The following CFAP96 variants were observed in gnomAD, a reference collection of about 807,000 sequenced individuals.
CFAP96 encodes the protein cilia and flagella associated protein 96.
chr4:185,410,689 G>A, the CFAP96 span, among the ~76,000 whole-genome samples: 2 of 151,442 alleles, frequency 1.3e-5, no homozygotes, highest in Admixed American at 6.6e-5. Context: ...GCTCACGCCT[G>A]TAATCCCAGC....
chr4:185,418,069 A>ACACACACACACACACACACACACACACAC, the CFAP96 span, among the ~76,000 whole-genome samples: 2 of 22,782 alleles, frequency 8.8e-5, no homozygotes, highest in African/African-American at 3.8e-4. Context: ...CACACACACA[A>ACACACACACACACACACACACACACACAC]ACAACAGAAC....
At chr4:185,431,120 G>C in the CFAP96 span, among the ~76,000 whole-genome samples, 2 of 149,962 alleles carry the variant, frequency 1.3e-5, no homozygotes, top group Non-Finnish European at 2.9e-5. Flanking sequence ...TGAGGCAGGA[G>C]AATCGCTTGA....
the CFAP96 span, chr4:185,408,528 G>T: frequency 1.6e-5 from 20 of 1,268,792 alleles, no homozygotes; most frequent in Non-Finnish European, 2.2e-5. Context: ...TGTTCTTAGA[G>T]TTAGACTGTT....
the CFAP96 span, chr4:185,415,719 G>T: frequency 6.2e-7 from 1 of 1,608,178 alleles, no homozygotes. Context: ...CTTTCCCCAT[G>T]TTTCTTCTGG....
the CFAP96 span, among the ~76,000 whole-genome samples, chr4:185,418,097 A>G: frequency 7.7e-6 from 1 of 129,278 alleles, no homozygotes; most frequent in Non-Finnish European, 1.7e-5. Context: ...AGTGTGAAGA[A>G]AAATAAATCA....
chr4:185,436,625 G>T, the CFAP96 span, among the ~76,000 whole-genome samples: 1 of 151,818 alleles, frequency 6.6e-6, no homozygotes, highest in Non-Finnish European at 1.5e-5. Context: ...CAGGAGAACC[G>T]CTTGAACCCA....
the CFAP96 span, among the ~76,000 whole-genome samples, chr4:185,414,475 T>C: frequency 6.6e-6 from 1 of 152,106 alleles, no homozygotes; most frequent in African/African-American, 2.4e-5. Flanking sequence ...ACTCCAGTGG[T>C]TTTAAAAGAT....
At chr4:185,422,465 G>T in the CFAP96 span, 79 of 1,580,788 alleles carry the variant, frequency 5.0e-5, no homozygotes, top group African/African-American at 9.8e-4. Flanking sequence ...TAATAAAAAA[G>T]AATTTTTCAG....
chr4:185,411,067 T>G, the CFAP96 span, among the ~76,000 whole-genome samples: 3 of 141,072 alleles, frequency 2.1e-5, no homozygotes, highest in Non-Finnish European at 3.1e-5. Context: ...AGAGCAAAAA[T>G]TAATAAAATC....
At chr4:185,429,052 A>G in the CFAP96 span, among the ~76,000 whole-genome samples, 1 of 152,234 alleles carries the variant, frequency 6.6e-6, no homozygotes, top group Non-Finnish European at 1.5e-5. Context: ...TAATTTTATC[A>G]TTTCCAACAG....
the CFAP96 span, among the ~76,000 whole-genome samples, chr4:185,416,281 A>G: frequency 6.6e-6 from 1 of 152,252 alleles, no homozygotes; most frequent in Non-Finnish European, 1.5e-5. Context: ...GGTTCGTTAC[A>G]TGATTCTCTC....
chr4:185,426,008 C>T, the CFAP96 span: 1,281 of 964,468 alleles, frequency 1.3e-3, 7 homozygotes, highest in African/African-American at 0.015. Context: ...GGCGGCATGA[C>T]GTCACGGAGC....
the CFAP96 span, chr4:185,418,443 T>C: frequency 3.1e-6 from 5 of 1,605,172 alleles, no homozygotes; most frequent in East Asian, 2.2e-5. Flanking sequence ...TTGCTTACCA[T>C]GTCTGATAAC....
At chr4:185,415,116 C>A in the CFAP96 span, 3 of 1,461,304 alleles carry the variant, frequency 2.1e-6, no homozygotes, top group South Asian at 4.0e-5. Flanking sequence ...GAATGATAGT[C>A]ATTATTGTTT....
the CFAP96 span, among the ~76,000 whole-genome samples, chr4:185,429,033 G>A: frequency 3.9e-5 from 6 of 152,276 alleles, no homozygotes; most frequent in East Asian, 3.9e-4. Flanking sequence ...ATAATACACC[G>A]TACAGTAATA....
the CFAP96 span, chr4:185,426,172 C>G: frequency 2.1e-6 from 1 of 470,442 alleles, no homozygotes. Context: ...TCCTCGTATC[C>G]TCCCACAGCG....
chr4:185,415,808 C>T, the CFAP96 span: 19 of 1,613,374 alleles, frequency 1.2e-5, no homozygotes, highest in Non-Finnish European at 1.6e-5. Context: ...CAATGATGGG[C>T]GTTACAGCTG....
chr4:185,415,339 T>G, the CFAP96 span: 1 of 1,579,040 alleles, frequency 6.3e-7, no homozygotes, highest in South Asian at 1.2e-5. Flanking sequence ...AACCAGGAGT[T>G]TACGAACTCT....
the CFAP96 span, among the ~76,000 whole-genome samples, chr4:185,413,183 T>A: frequency 6.6e-6 from 1 of 152,136 alleles, no homozygotes; most frequent in Non-Finnish European, 1.5e-5. Flanking sequence ...CAGGTGCCTG[T>A]AACCCTAGCT....
Sources: allele counts gnomAD v4.1 joint callset (sites outside exome capture counted in the v4.1 genomes callset), GRCh38; gene constraint gnomAD v4.1.1; transcripts MANE v1.5; gene names NCBI Gene and HGNC (gene_info 2026-07-23, HGNC 2026-07-21).